Variants in DNAAF8 observed in about 807,000 individuals in gnomAD.
DNAAF8 encodes the protein dynein axonemal assembly factor 8.
DNAAF8 carries 61 observed loss-of-function variants against 54.6 expected under a neutral mutation model. That is an observed-to-expected ratio of 1.12 (90% CI 0.91 to 1.38). The LOEUF is 1.38. Ranked by LOEUF, DNAAF8 falls within the 40% of genes most tolerant of loss-of-function variation. The pLI is 0.00. For missense variants in DNAAF8, 837 were observed against 665.0 expected (o/e 1.26, Z -2.85); for synonymous variants, 320 against 270.1 (o/e 1.18, Z -1.81).
chr16:4,748,370 AGAG>A (rs1476040197), intron 9 of DNAAF8: 1 of 152,098 alleles, frequency 6.6e-6, no homozygotes, highest in Non-Finnish European at 1.5e-5. Flanking sequence ...ACTTTTTGAA[AGAG>A]GAGTAACGAG....
chr16:4,739,512 T>C (rs1283424827), intron 3 of DNAAF8, among the ~76,000 whole-genome samples: 1 of 151,666 alleles, frequency 6.6e-6, no homozygotes, highest in Non-Finnish European at 1.5e-5. Context: ...AGTGGTGCTG[T>C]CTTTAGCCAG....
Position 4,746,430 on chromosome 16 carries a change from G to A in DNAAF8, c.1099G>A (p.Gly367Ser). ...QAGPGPQLAQGMRLNAESPTI... is the reference protein window; with the variant it reads ...QAGPGPQLAQSMRLNAESPTI... Reference sequence around the variant, plus strand: ...TGGGCCAGGCCCGCAGCTGGCCCAGGGCATGAGGCTTAACGCAGAGTCCCC... The same window carrying A: ...TGGGCCAGGCCCGCAGCTGGCCCAGAGCATGAGGCTTAACGCAGAGTCCCC... The change falls in exon 7 of 10, where the codon GGC becomes AGC. Residue 367 changes from glycine (G) to serine (S), a missense_variant. Transcript: ENST00000299320. The A allele has an allele frequency of 1.2e-6, 2 of 1,613,522 alleles. No homozygotes were observed. Among genetic ancestry groups the A allele is most frequent in the Non-Finnish European group, 1.7e-6 (2 of 1,179,778 alleles).
chr16:4,745,748 C>T (rs968704935), intron 6 of DNAAF8, among the ~76,000 whole-genome samples: 3 of 152,034 alleles, frequency 2.0e-5, no homozygotes, highest in East Asian at 1.9e-4. Flanking sequence ...GTCAGGAGTT[C>T]GAGACCAGCC....
At chr16:4,742,388 C>T (rs1251592789) in intron 4 of DNAAF8, among the ~76,000 whole-genome samples, 1 of 151,890 alleles carries the variant, frequency 6.6e-6, no homozygotes, top group Non-Finnish European at 1.5e-5. Flanking sequence ...AACCCCATCT[C>T]TACTAAAAAC....
rs1044046674 is a variant in DNAAF8, at chr16:4,736,504, C to T, written c.-11C>T. Reference sequence around the variant, plus strand: ...GGTGCACTGAGAAGGCATCTGGAAGCCTGGGCCCTCATGGCATCCAACGAT... The same window carrying T: ...GGTGCACTGAGAAGGCATCTGGAAGTCTGGGCCCTCATGGCATCCAACGAT... On this transcript the variant is annotated 5_prime_UTR_variant, in exon 2 of 10. Transcript: ENST00000299320. 26 of 1,538,106 alleles carry T rather than the reference C, an allele frequency of 1.7e-5. No homozygotes were observed. Among genetic ancestry groups the T allele is most frequent in the Non-Finnish European group, 2.3e-5 (26 of 1,133,432 alleles).
At chr16:4,746,150 A>G in intron 6 of DNAAF8, 1 of 487,024 alleles carries the variant, frequency 2.1e-6, no homozygotes, top group Non-Finnish European at 3.6e-6. Flanking sequence ...CTTACCACAG[A>G]TAGAGAGCAT....
chr16:4,736,869 GTAT>G (rs1193736235), intron 2 of DNAAF8, among the ~76,000 whole-genome samples: 2 of 152,140 alleles, frequency 1.3e-5, no homozygotes, highest in South Asian at 2.1e-4. Context: ...CTGAGCATGG[GTAT>G]TGGTGCTCAG....
chr16:4,739,651 C>T (rs859306), intron 3 of DNAAF8, among the ~76,000 whole-genome samples: 79,879 of 149,868 alleles, frequency 0.53, 21,733 homozygotes, highest in East Asian at 0.67. Flanking sequence ...CGGGCTGAAG[C>T]GATCCTCCCA....
chr16:4,745,107 T>C (rs2081997875), intron 6 of DNAAF8, 96 bp downstream of exon 6: 1 of 1,439,736 alleles, frequency 6.9e-7, no homozygotes, highest in Admixed American at 1.9e-5. Context: ...GGGCACTCCA[T>C]GTGCATTTTC....
In DNAAF8 at chr16:4,738,931, A is replaced by T. The variant is rs905467928; in HGVS notation, c.276+985A>T. Among the ~76,000 whole-genome samples, 6 of 152,204 alleles carry T rather than the reference A, an allele frequency of 3.9e-5. No homozygotes were observed. In the East Asian group the frequency reaches 9.7e-4, roughly 25 times the overall value. On this transcript the variant is annotated intron_variant, in intron 3 of 9. Coordinates refer to ENST00000299320, the MANE Select transcript of DNAAF8 (RefSeq NM_139170.3). ...AAAAGAAAACAGTGTAGAGGCACTAACCCACTTCCAAAATGGAGACGGGGC... is the reference window on the plus strand; with the variant it reads ...AAAAGAAAACAGTGTAGAGGCACTATCCCACTTCCAAAATGGAGACGGGGC...
chr16:4,734,758 G>A (rs938514983), intron 1 of DNAAF8, 60 bp downstream of exon 1: 1 of 152,292 alleles, frequency 6.6e-6, no homozygotes, highest in African/African-American at 2.4e-5. Context: ...GGGAAATACG[G>A]GCTGGGGGTG....
rs748714352 is a variant in DNAAF8, at chr16:4,736,571, G to A, written c.57G>A (p.Gln19=). 1 of 1,590,598 alleles carries A rather than the reference G, an allele frequency of 6.3e-7. No individual in the cohort carries two copies. The change falls in exon 2 of 10, where the codon CAG becomes CAA. Residue 19 remains glutamine (Q), a synonymous_variant. Transcript: ENST00000299320. ...APSLGSPWAS[Q]MGPWDAILKA... is the part of the protein sequence containing the mutation. ...CGCTGGGCTCTCCCTGGGCCTCCCAGATGGGGCCCTGGGATGCCATCCTCA... is the reference window on the plus strand; with the variant it reads ...CGCTGGGCTCTCCCTGGGCCTCCCAAATGGGGCCCTGGGATGCCATCCTCA...
chr16:4,737,664 A>C, intron 2 of DNAAF8, 136 bp from the exon 3 acceptor site: 1 of 1,115,144 alleles, frequency 9.0e-7, no homozygotes, highest in Non-Finnish European at 1.3e-6. Context: ...GCTCCTGAGC[A>C]GCAGGGCTGG....
rs556217729 is a variant in DNAAF8 at position 4,737,693 on chromosome 16, G to A, written c.130-107G>A. ...GGGCTGGACGGGCTGGATGGGCTGG[G>A]CGGGCTGGGCTGGAAGTGAGAGTGG... On this transcript the variant is annotated intron_variant, in intron 2 of 9. Transcript: ENST00000299320. 1.6e-4 allele frequency: 228 copies of A among 1,396,228 alleles called. 1 individual carries two copies. In the South Asian group the frequency reaches 2.8e-3, roughly 17 times the overall value. The allele number at this position is 1,396,228 out of a possible 1,614,324, so 86.5% of individuals were successfully genotyped here.
intron 8 of DNAAF8, 137 bp from the exon 9 acceptor site, chr16:4,747,206 C>A: frequency 8.0e-7 from 1 of 1,253,232 alleles, no homozygotes; most frequent in Non-Finnish European, 1.1e-6. Flanking sequence ...GCAGTGGCAG[C>A]AGTGATGGGC....
intron 3 of DNAAF8, among the ~76,000 whole-genome samples, chr16:4,738,263 G>C (rs1263150616): frequency 1.3e-5 from 2 of 152,110 alleles, no homozygotes; most frequent in Non-Finnish European, 2.9e-5. Context: ...TGTCACAACT[G>C]CTTGTCCTAA....
Position 4,737,820 on chromosome 16 carries a change from G to A in DNAAF8, c.150G>A (p.Glu50=), listed in dbSNP as rs768444062. The A allele has an allele frequency of 1.9e-6, 3 of 1,614,048 alleles. No individual in the cohort carries two copies. The African/African-American group carries it at 4.0e-5, about 22-fold the overall frequency. The part of the protein sequence containing the change: ...DSPLSDYGEE[E]LFIFQRNQTS... ...CACAGTCGGACTATGGGGAAGAGGA[G>A]CTGTTCATCTTCCAGCGAAACCAAA... The change falls in exon 3 of 10, where the codon GAG becomes GAA. Residue 50 remains glutamate, a synonymous_variant. Coordinates refer to ENST00000299320, the MANE Select transcript of DNAAF8 (RefSeq NM_139170.3).
rs1045566993 is a variant in DNAAF8 at position 4,742,914 on chromosome 16, C to T, written c.784-129C>T. The T allele has an allele frequency of 3.8e-6, 3 of 785,316 alleles. No individual in the cohort carries two copies. The African/African-American group carries it at 5.3e-5, about 14-fold the overall frequency. The allele number at this position is 785,316 out of a possible 1,614,324, so 48.6% of individuals were successfully genotyped here. A position where few individuals can be genotyped will look rare whatever the true frequency, so the allele number is the denominator to read the frequency against. On this transcript the variant is annotated intron_variant, in intron 4 of 9. Transcript: ENST00000299320. ...CAGCCTATTTGCAAACTCTGTCATGCACTGAATTCCTGATTTCTACCCCCA... is the reference window on the plus strand; with the variant it reads ...CAGCCTATTTGCAAACTCTGTCATGTACTGAATTCCTGATTTCTACCCCCA...
Position 4,740,248 on chromosome 16 carries a change from C to A in DNAAF8, c.372C>A (p.Gly124=), listed in dbSNP as rs1286681093. ...DASSQEGRDP[G]RPFESSGEVS... ...CCTCTCAGGAAGGAAGAGACCCTGG[C>A]AGGCCTTTTGAAAGCTCTGGTGAGG... The change falls in exon 4 of 10, where the codon GGC becomes GGA. Residue 124 remains glycine, a synonymous_variant. Coordinates refer to ENST00000299320, the MANE Select transcript of DNAAF8 (RefSeq NM_139170.3). 1.2e-6 allele frequency: 2 copies of A among 1,613,932 alleles called. No individual in the cohort carries two copies. The highest frequency in any genetic ancestry group is 1.7e-6 in the Non-Finnish European group (2 of 1,179,998).
Sources: allele counts gnomAD v4.1 joint callset (sites outside exome capture counted in the v4.1 genomes callset), GRCh38; gene constraint gnomAD v4.1.1; transcripts MANE v1.5; gene names NCBI Gene and HGNC (gene_info 2026-07-23, HGNC 2026-07-21).